PTPN11: variants seen among roughly 807,000 people sequenced by gnomAD.
PTPN11 encodes tyrosine-protein phosphatase non-receptor type 11.
A neutral mutation model predicts 78.8 loss-of-function variants in PTPN11; 6 were observed. That is an observed-to-expected ratio of 0.08 (90% CI 0.04 to 0.15). PTPN11 has a LOEUF of 0.15. Among genes scored for constraint, PTPN11 ranks in the 10% least tolerant of loss-of-function variants. The pLI, the probability that PTPN11 is intolerant of heterozygous loss-of-function variation, is 1.00. For missense variants in PTPN11, 386 were observed against 744.8 expected (o/e 0.52, Z 5.61); for synonymous variants, 221 against 263.5 (o/e 0.84, Z 1.56).
intron 13 of PTPN11, among the ~76,000 whole-genome samples, chr12:112,493,448 G>T (rs1400115726): frequency 6.8e-6 from 1 of 146,662 alleles, no homozygotes; most frequent in East Asian, 2.0e-4. Context: ...GCAGTGGCAT[G>T]ATCTTGCCAC....
At chr12:112,479,950 G>A (rs554773380) in intron 9 of PTPN11, among the ~76,000 whole-genome samples, 6 of 152,250 alleles carry the variant, frequency 3.9e-5, no homozygotes, top group South Asian at 4.1e-4. Context: ...AGACCTTTCT[G>A]ACATCCTACT....
rs757475085 is a variant in PTPN11, at chr12:112,485,906, G to A, written c.1225-569G>A. On this transcript the variant is annotated intron_variant, in intron 10 of 15. Transcript: ENST00000351677. The stretch of plus-strand genomic sequence containing the variant: ...TGAGGCAGGAGAATGGCTTGAACCC[G>A]GGAGGCAGAGGTTGCAGTGAGCCAA... 2.3e-3 allele frequency among the ~76,000 whole-genome samples: 357 copies of A among 151,932 alleles called. 3 individuals are homozygous for A. The highest frequency in any genetic ancestry group is 3.0e-3 in the Non-Finnish European group (206 of 67,944).
intron 7 of PTPN11, among the ~76,000 whole-genome samples, chr12:112,477,208 G>C: frequency 6.6e-6 from 1 of 151,934 alleles, no homozygotes; most frequent in East Asian, 1.9e-4. Context: ...ATAGAGACAG[G>C]GTTTTGTCAT....
At chr12:112,505,285 C>T (rs963349484) in intron 15 of PTPN11, among the ~76,000 whole-genome samples, 3 of 152,200 alleles carry the variant, frequency 2.0e-5, no homozygotes, top group African/African-American at 7.2e-5. Context: ...AGCTCTGCTG[C>T]TGGAAATTCA....
chr12:112,469,880 A>G (rs1376839638), intron 6 of PTPN11, among the ~76,000 whole-genome samples: 1 of 152,180 alleles, frequency 6.6e-6, no homozygotes, highest in African/African-American at 2.4e-5. Context: ...TAAAGAAACA[A>G]ATGACATAAG....
chr12:112,458,099 A>G (rs1238124996), intron 6 of PTPN11, among the ~76,000 whole-genome samples: 1 of 152,230 alleles, frequency 6.6e-6, no homozygotes, highest in Non-Finnish European at 1.5e-5. Context: ...TAGCCAGAGT[A>G]TGTCTGAACA....
intron 14 of PTPN11, 30 bp downstream of exon 14, chr12:112,502,286 C>T (rs2038885064): frequency 6.4e-7 from 1 of 1,557,326 alleles, no homozygotes; most frequent in East Asian, 2.2e-5. Flanking sequence ...ATTCTTTTTA[C>T]CTGGTCATGG....
chr12:112,498,623 A>G (rs775719554), intron 13 of PTPN11, among the ~76,000 whole-genome samples: 31 of 152,218 alleles, frequency 2.0e-4, no homozygotes, highest in Admixed American at 7.2e-4. Flanking sequence ...CAAGGCCATA[A>G]AATTTGTTAT....
rs1444350699 is a variant in PTPN11, at chr12:112,508,212, G to T, written c.*2420G>T. 1 of 152,574 alleles carries T rather than the reference G, an allele frequency of 6.6e-6. No homozygotes were observed. Among genetic ancestry groups the T allele is most frequent in the Admixed American group, 6.6e-5 (1 of 15,264 alleles). The allele number at this position is 152,574 out of a possible 1,614,324, so 9.5% of individuals were successfully genotyped here. A position where few individuals can be genotyped will look rare whatever the true frequency, so the allele number is the denominator to read the frequency against. ...TGTTATAAGATATTGATTTCATTTA[G>T]ATTTCCCTCCACGAGGTCAGCAAAC... is the stretch of plus-strand genomic sequence containing the variant. On this transcript the variant is annotated 3_prime_UTR_variant, in exon 16 of 16. Transcript: ENST00000351677.
chr12:112,497,129 G>A (rs542807245), intron 13 of PTPN11, among the ~76,000 whole-genome samples: 6 of 145,622 alleles, frequency 4.1e-5, no homozygotes, highest in African/African-American at 1.5e-4. Flanking sequence ...CTGAGATTGA[G>A]CCACTGCACT....
chr12:112,495,048 G>A (rs1429368556), intron 13 of PTPN11, among the ~76,000 whole-genome samples: 7 of 152,050 alleles, frequency 4.6e-5, no homozygotes, highest in Non-Finnish European at 8.8e-5. Flanking sequence ...GAGTTTATTG[G>A]GATGTATCCC....
intron 6 of PTPN11, among the ~76,000 whole-genome samples, chr12:112,458,449 A>G (rs115952184): frequency 1.5e-3 from 230 of 152,290 alleles, no homozygotes; most frequent in African/African-American, 5.4e-3. Context: ...AGCTCAAACA[A>G]TTCTCCTGTC....
At chr12:112,453,112 C>T (rs112532211) in intron 3 of PTPN11, 83 bp from the exon 4 acceptor site, 3 of 1,172,686 alleles carry the variant, frequency 2.6e-6, no homozygotes, top group African/African-American at 3.0e-5. Context: ...TTTAGGAGAG[C>T]TGACTGTATA....
chr12:112,430,540 C>T (rs555046098), intron 1 of PTPN11, among the ~76,000 whole-genome samples: 9 of 151,878 alleles, frequency 5.9e-5, no homozygotes, highest in Admixed American at 3.9e-4. Flanking sequence ...GCAATCCTCC[C>T]GTCTCAGCCT....
At chr12:112,429,530 A>G (rs1378431214) in intron 1 of PTPN11, among the ~76,000 whole-genome samples, 5 of 139,854 alleles carry the variant, frequency 3.6e-5, no homozygotes, top group Non-Finnish European at 7.6e-5. Flanking sequence ...GGCCAGGCGC[A>G]GTGGCTCACG....
intron 10 of PTPN11, among the ~76,000 whole-genome samples, chr12:112,484,912 T>G (rs1391320310): frequency 6.8e-6 from 1 of 146,546 alleles, no homozygotes; most frequent in Admixed American, 6.8e-5. Context: ...ATAAAAAAAT[T>G]AAAAAAAAAA....
In PTPN11 at chr12:112,475,178, A is replaced by G. The variant is rs151038248; in HGVS notation, c.853+2138A>G. On this transcript the variant is annotated intron_variant, in intron 7 of 15. Transcript: ENST00000351677. Reference sequence around the variant, plus strand: ...TTTCCTAGACCATTTTAGCAAGGTTATAAGTGAAGGGGAGTGGGTGGGAGA... The same window carrying G: ...TTTCCTAGACCATTTTAGCAAGGTTGTAAGTGAAGGGGAGTGGGTGGGAGA... Among the ~76,000 whole-genome samples, 438 of 152,298 alleles carry G rather than the reference A, an allele frequency of 2.9e-3. 6 individuals carry two copies. Among genetic ancestry groups the G allele is most frequent in the African/African-American group, 0.01 (429 of 41,578 alleles).
At chr12:112,419,625 T>A (rs1234973304) in intron 1 of PTPN11, among the ~76,000 whole-genome samples, 1 of 152,202 alleles carries the variant, frequency 6.6e-6, no homozygotes. Flanking sequence ...CCCCTGACCC[T>A]TTTATATGCC....
intron 10 of PTPN11, 55 bp from the exon 11 acceptor site, chr12:112,486,420 C>A: frequency 6.5e-7 from 1 of 1,533,364 alleles, no homozygotes; most frequent in Non-Finnish European, 9.0e-7. Context: ...CCGGGTGATT[C>A]CTCAACCTCT....
Sources: gnomAD v4.1 joint callset for allele counts (sites outside exome capture counted in the v4.1 genomes callset) on GRCh38, gnomAD v4.1.1 for gene constraint, MANE v1.5 for transcripts, NCBI Gene and HGNC (gene_info 2026-07-23, HGNC 2026-07-21) for gene names.